Variants in MTMR8 observed in about 807,000 individuals in gnomAD.
MTMR8 encodes phosphatidylinositol-3,5-bisphosphate 3-phosphatase MTMR8.
In MTMR8, 65 loss-of-function variants were observed where a neutral mutation model predicts 39.3. The observed-to-expected ratio is 1.65, with a 90% CI of 1.35 to 2.03. The LOEUF (loss-of-function observed/expected upper bound fraction) is 2.03, where lower values mean the gene tolerates loss of function less well. Ranked by LOEUF, MTMR8 falls within the 30% of genes most tolerant of loss-of-function variation. The pLI, the probability that MTMR8 is intolerant of heterozygous loss-of-function variation, is 0.00. For missense variants in MTMR8, 777 were observed against 538.9 expected (o/e 1.44, Z -4.37); for synonymous variants, 245 against 185.2 (o/e 1.32, Z -2.62).
chrX:64,269,055 G>T lies in MTMR8; in HGVS notation c.1609-12C>A. On this transcript the variant is annotated splice_polypyrimidine_tract_variant and intron_variant, in intron 13 of 13. Coordinates refer to ENST00000374852, the MANE Select transcript of MTMR8 (RefSeq NM_017677.4). Reference sequence around the variant, plus strand: ...CGGACTTTTAGTTTCTGCCTCAGGAGCAAGAAAGGGTTGAGAAGAATTAGA... The same window carrying T: ...CGGACTTTTAGTTTCTGCCTCAGGATCAAGAAAGGGTTGAGAAGAATTAGA... The T allele has an allele frequency of 8.3e-7, 1 of 1,202,015 alleles. No individual in the cohort carries two copies. The highest frequency in any genetic ancestry group is 1.8e-5 in the South Asian group (1 of 54,997).
chrX:64,268,616 G>T lies in MTMR8; in HGVS notation c.2036C>A (p.Ser679Tyr). 12 of 1,211,734 alleles carry T rather than the reference G, an allele frequency of 9.9e-6. No homozygotes were observed. Among genetic ancestry groups the T allele is most frequent in the Non-Finnish European group, 1.3e-5 (12 of 895,526 alleles). ...GTCCCCCAAGATGCCCATGTCCCCA[G>T]AGAAACCCCTGGCCTCAGAAATACC... The part of the protein sequence containing the change: ...NLGISEARGF[S>Y]GDMGILGDTG... The change falls in exon 14 of 14, where the codon TCT becomes TAT. Residue 679 changes from serine to tyrosine, a missense_variant. Coordinates refer to ENST00000374852, the MANE Select transcript of MTMR8 (RefSeq NM_017677.4).
At chrX:64,385,630 G>A (rs1924536944) in intron 1 of MTMR8, among the ~76,000 whole-genome samples, 1 of 111,471 alleles carries the variant, frequency 9.0e-6, no homozygotes, top group South Asian at 3.8e-4. Context: ...TAACCATGGT[G>A]GAAGGTGAAG....
intron 6 of MTMR8, among the ~76,000 whole-genome samples, chrX:64,348,130 T>C (rs182214858): frequency 5.7e-4 from 64 of 111,692 alleles, no homozygotes; most frequent in Non-Finnish European, 1.1e-3. Context: ...CAGTACTAGA[T>C]GCTAAAAAAG....
intron 1 of MTMR8, among the ~76,000 whole-genome samples, chrX:64,364,623 G>C (rs1231638972): frequency 9.0e-6 from 1 of 111,674 alleles, no homozygotes; most frequent in Admixed American, 9.5e-5. Context: ...CAGCATCAAA[G>C]ACCAAAGGTA....
At position 64,359,529 on chromosome X, in the gene MTMR8, T is replaced by G. The variant is rs189042385; in HGVS notation, c.25-2A>C. On this transcript the variant is annotated splice_acceptor_variant, in intron 1 of 13. Coordinates refer to ENST00000374852, the MANE Select transcript of MTMR8 (RefSeq NM_017677.4). LOFTEE classifies it high-confidence loss of function. ...ATCCACCAATTTCACGTTTTCTACC[T>G]GTTATTGGAGGAAAAAATACTGAAT... 4 of 1,193,547 alleles carry G rather than the reference T, an allele frequency of 3.4e-6. No individual in the cohort carries two copies. In the African/African-American group the frequency reaches 7.1e-5, roughly 21 times the overall value.
chrX:64,382,655 T>G (rs904767025), intron 1 of MTMR8, among the ~76,000 whole-genome samples: 2 of 111,600 alleles, frequency 1.8e-5, no homozygotes, highest in Non-Finnish European at 3.8e-5. Flanking sequence ...ATAGGAGTGG[T>G]GAGAGAGGGC....
At chrX:64,336,563 C>T (rs921435632) in intron 9 of MTMR8, among the ~76,000 whole-genome samples, 10 of 108,852 alleles carry the variant, frequency 9.2e-5, no homozygotes, top group South Asian at 8.0e-4. Flanking sequence ...TTTGGGAGGC[C>T]GAGGAGGGCA....
intron 12 of MTMR8, among the ~76,000 whole-genome samples, chrX:64,290,539 G>T (rs1234286512): frequency 9.0e-6 from 1 of 110,650 alleles, no homozygotes; most frequent in African/African-American, 3.3e-5. Context: ...TACTGAAACT[G>T]ATAGTCAAGA....
chrX:64,376,643 T>A (rs180800875), intron 1 of MTMR8, among the ~76,000 whole-genome samples: 1 of 112,318 alleles, frequency 8.9e-6, no homozygotes, highest in African/African-American at 3.2e-5. Context: ...AACTCTAACT[T>A]ATATTTAAAA....
At chrX:64,306,684 G>A (rs1194752415) in intron 12 of MTMR8, 1 of 112,327 alleles carries the variant, frequency 8.9e-6, no homozygotes, top group Non-Finnish European at 1.9e-5. Context: ...CCAAGTTGTG[G>A]ACTTTGTTCT....
chrX:64,289,636 C>CAAAAAAAAAAAAAAAAAAAAAAAAAAAA (rs749879321), intron 12 of MTMR8, among the ~76,000 whole-genome samples: 4 of 26,426 alleles, frequency 1.5e-4, no homozygotes, highest in African/African-American at 4.1e-4. Context: ...GACTCCATCG[C>CAAAAAAAAAAAAAAAAAAAAAAAAAAAA]AAAAAAAAAA....
chrX:64,290,031 T>C (rs1433180221), intron 12 of MTMR8, among the ~76,000 whole-genome samples: 1 of 111,120 alleles, frequency 9.0e-6, no homozygotes, highest in Non-Finnish European at 1.9e-5. Flanking sequence ...GTTGAAATGA[T>C]TTGTTTAATA....
chrX:64,359,608 A>T, intron 1 of MTMR8, 81 bp from the exon 2 acceptor site: 1 of 996,852 alleles, frequency 1.0e-6, no homozygotes, highest in Non-Finnish European at 1.3e-6. Context: ...AGCAAGATAA[A>T]CGCTGTTAAT....
At chrX:64,316,080 A>G (rs1230677155) in intron 12 of MTMR8, among the ~76,000 whole-genome samples, 1 of 111,296 alleles carries the variant, frequency 9.0e-6, no homozygotes, top group Non-Finnish European at 1.9e-5. Flanking sequence ...TCCTCTCTAT[A>G]CATTTAGAAT....
At chrX:64,318,106 C>A (rs983065408) in intron 12 of MTMR8, among the ~76,000 whole-genome samples, 2 of 112,214 alleles carry the variant, frequency 1.8e-5, no homozygotes, top group African/African-American at 6.5e-5. Context: ...GGAAGAGTTA[C>A]CTTATTACCA....
chrX:64,363,337 G>A (rs868796102), intron 1 of MTMR8, among the ~76,000 whole-genome samples: 1 of 111,805 alleles, frequency 8.9e-6, no homozygotes, highest in East Asian at 2.8e-4. Flanking sequence ...GATCATGGGG[G>A]TGAATTCCTC....
intron 6 of MTMR8, among the ~76,000 whole-genome samples, chrX:64,346,800 G>T (rs763177825): frequency 9.0e-6 from 1 of 110,781 alleles, no homozygotes; most frequent in African/African-American, 3.3e-5. Context: ...CAAAAGCTTG[G>T]TGTAGTTCTC....
At chrX:64,377,125 A>G (rs1278948856) in intron 1 of MTMR8, among the ~76,000 whole-genome samples, 1 of 112,518 alleles carries the variant, frequency 8.9e-6, no homozygotes, top group Non-Finnish European at 1.9e-5. Context: ...AGATGCCTGG[A>G]TGTCCAGGCA....
intron 1 of MTMR8, among the ~76,000 whole-genome samples, chrX:64,371,120 C>T (rs1924120904): frequency 8.9e-6 from 1 of 112,110 alleles, no homozygotes; most frequent in African/African-American, 3.2e-5. Context: ...ACACTCCACA[C>T]CAGCCTAAGT....
Sources: gnomAD v4.1 joint callset for allele counts (sites outside exome capture counted in the v4.1 genomes callset) on GRCh38, gnomAD v4.1.1 for gene constraint, MANE v1.5 for transcripts, NCBI Gene and HGNC (gene_info 2026-07-23, HGNC 2026-07-21) for gene names.